The following CFAP61 variants were observed in gnomAD, a reference collection of about 807,000 sequenced individuals.
CFAP61 encodes the protein cilia- and flagella-associated protein 61.
CFAP61 carries 107 observed loss-of-function variants against 135.6 expected under a neutral mutation model. That is an observed-to-expected ratio of 0.79 (90% confidence interval 0.67 to 0.93). The LOEUF is 0.93. CFAP61 is among the 40% of genes least tolerant of loss of function. CFAP61 has a pLI of 0.00. For missense variants in CFAP61, 1,507 were observed against 1,556.2 expected (o/e 0.97, Z 0.53); for synonymous variants, 575 against 578.5 (o/e 0.99, Z 0.09).
Position 20,065,985 on chromosome 20 carries a change from T to C in CFAP61, c.144-4869T>C, listed in dbSNP as rs2045229116. On this transcript the variant is annotated intron_variant, in intron 2 of 26. Transcript: ENST00000245957. Reference sequence around the variant, plus strand: ...CTTTTGTACAAAGAACTTAAACAAATTTACAAGAAAAAAAACAACCCCATC... The same window carrying C: ...CTTTTGTACAAAGAACTTAAACAAACTTACAAGAAAAAAAACAACCCCATC... 3.4e-5 allele frequency among the ~76,000 whole-genome samples: 4 copies of C among 117,008 alleles called. No homozygotes were observed. In the South Asian group the frequency reaches 1.2e-3, roughly 34 times the overall value. 76.8% of individuals were successfully genotyped at this position (117,008 alleles called of 152,430 possible). A position where few individuals can be genotyped will look rare whatever the true frequency, so the allele number is the denominator to read the frequency against.
At chr20:20,232,662 T>C (rs1340344391) in intron 18 of CFAP61, 1 of 152,252 alleles carries the variant, frequency 6.6e-6, no homozygotes, top group Non-Finnish European at 1.5e-5. Context: ...CGAGTCTCTA[T>C]GCTTCAGTGT....
intron 17 of CFAP61, among the ~76,000 whole-genome samples, chr20:20,207,020 G>A (rs967500671): frequency 3.9e-5 from 6 of 151,972 alleles, no homozygotes; most frequent in Non-Finnish European, 8.8e-5. Context: ...ACCACTCCAA[G>A]AGAGCTTCAT....
chr20:20,129,289 G>A lies in CFAP61; in HGVS notation c.860-13568G>A, dbSNP rs527535156. On this transcript the variant is annotated intron_variant, in intron 8 of 26. Transcript: ENST00000245957. Reference sequence around the variant, plus strand: ...AATTCTCTCAAGTTTTGTTTATTTGGGAAAGCCTTTTATCTTTCCTTCATA... The same window carrying A: ...AATTCTCTCAAGTTTTGTTTATTTGAGAAAGCCTTTTATCTTTCCTTCATA... Among the ~76,000 whole-genome samples the A allele has an allele frequency of 2.6e-5, 4 of 151,708 alleles. No homozygotes were observed. In the South Asian group the frequency reaches 8.3e-4, roughly 32 times the overall value.
intron 8 of CFAP61, among the ~76,000 whole-genome samples, chr20:20,110,813 T>C (rs2146668879): frequency 6.6e-6 from 1 of 152,290 alleles, no homozygotes; most frequent in South Asian, 2.1e-4. Context: ...TGATGATGAC[T>C]ATTTTGAAGT....
chr20:20,186,262 G>T (rs2055489892), intron 13 of CFAP61, among the ~76,000 whole-genome samples: 1 of 152,144 alleles, frequency 6.6e-6, no homozygotes, highest in African/African-American at 2.4e-5. Flanking sequence ...CATATAAATG[G>T]AATTACACAA....
chr20:20,121,746 A>G (rs1849285801), intron 8 of CFAP61, among the ~76,000 whole-genome samples: 2 of 152,132 alleles, frequency 1.3e-5, no homozygotes, highest in South Asian at 4.1e-4. Flanking sequence ...TGCCTGCTTC[A>G]GCCTTCCAAA....
At chr20:20,059,139 GC>G (rs1402791343) in intron 2 of CFAP61, among the ~76,000 whole-genome samples, 1 of 151,710 alleles carries the variant, frequency 6.6e-6, no homozygotes, top group Non-Finnish European at 1.5e-5. Context: ...GACCATCCTG[GC>G]CAACAGGTGA....
chr20:20,230,767 G>T (rs145390658), intron 18 of CFAP61, among the ~76,000 whole-genome samples: 19 of 152,274 alleles, frequency 1.2e-4, no homozygotes, highest in Non-Finnish European at 5.9e-5. Flanking sequence ...TGTTGGCCGG[G>T]CTGGTCTCGA....
chr20:20,188,277 C>G (rs1472995217), intron 14 of CFAP61, among the ~76,000 whole-genome samples: 4 of 152,122 alleles, frequency 2.6e-5, no homozygotes, highest in African/African-American at 9.7e-5. Flanking sequence ...ATCAGATACC[C>G]AAAATCCTTC....
rs374742245 is a variant in CFAP61 at position 20,089,163 on chromosome 20, G to T, written c.567-1681G>T. ...TCAAAATAAAGGAAGATTTTGAAGT[G>T]CATTGTCAGCTTAGCAGAGTGTGAA... On this transcript the variant is annotated intron_variant, in intron 6 of 26. Coordinates refer to ENST00000245957, the MANE Select transcript of CFAP61 (RefSeq NM_015585.4). Among the ~76,000 whole-genome samples the T allele has an allele frequency of 1.1e-4, 16 of 152,142 alleles. 1 individual carries two copies. Among genetic ancestry groups the T allele is most frequent in the African/African-American group, 3.1e-4 (13 of 41,426 alleles).
intron 17 of CFAP61, among the ~76,000 whole-genome samples, chr20:20,211,929 A>G (rs1273957610): frequency 6.6e-6 from 1 of 152,058 alleles, no homozygotes; most frequent in South Asian, 2.1e-4. Context: ...CTGTGGGGAC[A>G]GCACTTTTCA....
chr20:20,323,294 A>C, intron 25 of CFAP61: 3 of 985,450 alleles, frequency 3.0e-6, no homozygotes, highest in Non-Finnish European at 3.6e-6. Context: ...AAACAACCCT[A>C]AATTTTCAGG....
At position 20,239,925 on chromosome 20, in the gene CFAP61, G is replaced by A. The variant is rs969189028; in HGVS notation, c.2061-6192G>A. Among the ~76,000 whole-genome samples the A allele has an allele frequency of 3.3e-5, 5 of 151,700 alleles. No individual in the cohort carries two copies. In the East Asian group the frequency reaches 9.6e-4, roughly 29 times the overall value. On this transcript the variant is annotated intron_variant, in intron 18 of 26. Transcript: ENST00000245957. ...TAAGGCAGTGTGTTATAGGAGGGGA[G>A]GGTTGTGGGGGCATTCAAGAGATGT...
chr20:20,316,298 G>A (rs2057135335), intron 25 of CFAP61, among the ~76,000 whole-genome samples: 1 of 151,910 alleles, frequency 6.6e-6, no homozygotes, highest in Non-Finnish European at 1.5e-5. Flanking sequence ...TCTCTTTGAA[G>A]CAATTGTGAA....
chr20:20,171,429 A>T (rs778691367), intron 13 of CFAP61, among the ~76,000 whole-genome samples: 2 of 152,196 alleles, frequency 1.3e-5, no homozygotes, highest in Non-Finnish European at 2.9e-5. Flanking sequence ...GTGAATTTGG[A>T]TGGAAAGGAA....
intron 9 of CFAP61, among the ~76,000 whole-genome samples, chr20:20,157,832 AAGCT>A: frequency 6.6e-6 from 1 of 152,260 alleles, no homozygotes; most frequent in African/African-American, 2.4e-5. Flanking sequence ...ATGAAAAGAC[AAGCT>A]ACAGACTGGG....
At chr20:20,156,092 A>G (rs779266369) in intron 9 of CFAP61, among the ~76,000 whole-genome samples, 28 of 152,294 alleles carry the variant, frequency 1.8e-4, no homozygotes, top group Non-Finnish European at 4.0e-4. Flanking sequence ...TGGGTGCACT[A>G]AAATCTCAGA....
intron 8 of CFAP61, among the ~76,000 whole-genome samples, chr20:20,124,559 T>C (rs61677630): frequency 0.099 from 15,066 of 151,930 alleles, 1,666 homozygotes; most frequent in East Asian, 0.6. Context: ...TTGCATATGA[T>C]AAGCCATCCC....
rs550075459 is a variant in CFAP61 at position 20,345,659 on chromosome 20, G to A, written c.3513+3738G>A. ...ACATGGGCCGGGTGCAGTGGCTCAT[G>A]CTTGTAATCCCAGCACTCTGGGAGG... On this transcript the variant is annotated intron_variant, in intron 26 of 26. Transcript: ENST00000245957. Among the ~76,000 whole-genome samples, 9 of 152,172 alleles carry A rather than the reference G, an allele frequency of 5.9e-5. 1 individual carries two copies. The South Asian group carries it at 8.3e-4, about 14-fold the overall frequency.
Sources: gnomAD v4.1 joint callset for allele counts (sites outside exome capture counted in the v4.1 genomes callset) on GRCh38, gnomAD v4.1.1 for gene constraint, MANE v1.5 for transcripts, NCBI Gene and HGNC (gene_info 2026-07-23, HGNC 2026-07-21) for gene names.